SLC48A1: variants seen among roughly 807,000 people sequenced by gnomAD.
The protein encoded by SLC48A1 is heme transporter HRG1.
A neutral mutation model predicts 14.8 loss-of-function variants in SLC48A1; 6 were observed. The ratio of observed to expected loss-of-function variants is 0.41; its 90% CI spans 0.22 to 0.80. The LOEUF is 0.80. SLC48A1 is among the 30% of genes least tolerant of loss of function. SLC48A1 has a pLI of 0.34. For synonymous variants in SLC48A1, 89 were observed against 90.0 expected, an observed-to-expected ratio of 0.99 and a Z score of 0.06; for missense variants, 165 against 204.8, an observed-to-expected ratio of 0.81 and a Z score of 1.19.
In SLC48A1 at chr12:47,780,571, T is replaced by TC. The variant is rs1216962106; in HGVS notation, c.*290_*291insC. ...TTCTTTTCTTTCTTTTTTTTTTCTT[T>TC]TTTTTTTTTTTTTGAGATGGAGTCT... is the stretch of plus-strand genomic sequence containing the variant. On this transcript the variant is annotated 3_prime_UTR_variant, in exon 3 of 3. Transcript: ENST00000442218. 6.1e-6 allele frequency: 3 copies of TC among 494,512 alleles called. No individual in the cohort carries two copies. Among genetic ancestry groups the TC allele is most frequent in the East Asian group, 9.9e-5 (2 of 20,294 alleles). 30.6% of individuals were successfully genotyped at this position (494,512 alleles called of 1,614,324 possible).
chr12:47,769,459 C>G (rs186139598), upstream of SLC48A1: 3 of 152,226 alleles, frequency 2.0e-5, no homozygotes, highest in Admixed American at 2.0e-4. Context: ...TTCCCATTCT[C>G]AAGGTCTTTC....
upstream of SLC48A1, chr12:47,773,090 C>T: frequency 1.6e-6 from 1 of 628,406 alleles, no homozygotes; most frequent in Non-Finnish European, 2.0e-6. Context: ...AACGACACGG[C>T]AGCTTCGCAA....
At chr12:47,775,906 G>GT (rs1456472296) in intron 1 of SLC48A1, among the ~76,000 whole-genome samples, 1 of 152,222 alleles carries the variant, frequency 6.6e-6, no homozygotes, top group East Asian at 1.9e-4. Flanking sequence ...AGGCGGGCAG[G>GT]TGTGGGTTGG....
In SLC48A1 at chr12:47,780,070, C is replaced by A. The variant is rs559940169; in HGVS notation, c.305-75C>A. 3.6e-5 allele frequency: 53 copies of A among 1,452,834 alleles called. No homozygotes were observed. In the African/African-American group the frequency reaches 5.9e-4, roughly 16 times the overall value. The allele number at this position is 1,452,834 out of a possible 1,614,324, so 90.0% of individuals were successfully genotyped here. ...CAGGGATGTTGAGTGGGGAGGGTGG[C>A]CCTGGCCTTGTGGCCGGTGCAGAGG... On this transcript the variant is annotated intron_variant, in intron 2 of 2. Coordinates refer to ENST00000442218, the MANE Select transcript of SLC48A1 (RefSeq NM_017842.3).
chr12:47,758,163 T>G (rs1478829607), upstream of SLC48A1: 1 of 1,490,050 alleles, frequency 6.7e-7, no homozygotes, highest in Non-Finnish European at 8.9e-7. Flanking sequence ...GCAGAACTAC[T>G]TCCTTAGAGT....
In SLC48A1 at chr12:47,774,210, G is replaced by A. The variant is rs1942691939; in HGVS notation, c.136+770G>A. 3.9e-5 allele frequency among the ~76,000 whole-genome samples: 6 copies of A among 152,224 alleles called. No individual in the cohort carries two copies. In the South Asian group the frequency reaches 1.2e-3, roughly 32 times the overall value. On this transcript the variant is annotated intron_variant, in intron 1 of 2. Coordinates refer to ENST00000442218, the MANE Select transcript of SLC48A1 (RefSeq NM_017842.3). ...TGGGCTGACCAGTGCTCCTTGTTGTGCACATTTGGGCTCGCAGTTTAACCT... is the reference window on the plus strand; with the variant it reads ...TGGGCTGACCAGTGCTCCTTGTTGTACACATTTGGGCTCGCAGTTTAACCT...
At chr12:47,758,278 C>G, upstream of SLC48A1, 1 of 1,430,556 alleles carries the variant, frequency 7.0e-7, no homozygotes, top group African/African-American at 1.4e-5. Context: ...TTAGGGGTCT[C>G]CAGCTGGCTC....
At chr12:47,761,781 C>T (rs1461768845) in intron 2 of SLC48A1, among the ~76,000 whole-genome samples, 1 of 152,180 alleles carries the variant, frequency 6.6e-6, no homozygotes, top group Non-Finnish European at 1.5e-5. Flanking sequence ...AGTCAACATG[C>T]ACCAGGCCCT....
chr12:47,767,400 T>C (rs1004257552), upstream of SLC48A1, among the ~76,000 whole-genome samples: 30 of 152,114 alleles, frequency 2.0e-4, no homozygotes, highest in Non-Finnish European at 1.5e-4. Context: ...ATTTATTGAG[T>C]TCCTACCTAG....
chr12:47,780,786 C>T lies in SLC48A1; in HGVS notation c.*505C>T, dbSNP rs111547810. On this transcript the variant is annotated 3_prime_UTR_variant, in exon 3 of 3. Coordinates refer to ENST00000442218, the MANE Select transcript of SLC48A1 (RefSeq NM_017842.3). ...TTTGCCATGTTGGCCAGGCTGGTCT[C>T]GAACTCCTGATCTCAGGTGATTCAC... is the stretch of plus-strand genomic sequence containing the variant. 27 of 452,878 alleles carry T rather than the reference C, an allele frequency of 6.0e-5. No homozygotes were observed. Among genetic ancestry groups the T allele is most frequent in the African/African-American group, 5.2e-4 (26 of 50,482 alleles). 28.1% of individuals were successfully genotyped at this position (452,878 alleles called of 1,614,324 possible). A position where few individuals can be genotyped will look rare whatever the true frequency, so the allele number is the denominator to read the frequency against.
At chr12:47,755,358 A>C (rs1164661432), upstream of SLC48A1, among the ~76,000 whole-genome samples, 3 of 152,212 alleles carry the variant, frequency 2.0e-5, no homozygotes, top group Non-Finnish European at 2.9e-5. Context: ...AATGTCTGGC[A>C]CATAAGTACT....
chr12:47,775,392 C>T (rs886663929), intron 1 of SLC48A1, among the ~76,000 whole-genome samples: 2 of 150,938 alleles, frequency 1.3e-5, no homozygotes, highest in African/African-American at 4.9e-5. Flanking sequence ...GGCAGCAGCT[C>T]GCTAGGGCAG....
rs1249132412 is a variant in SLC48A1, at chr12:47,764,817, G to A, written c.-187+4416G>A. Among the ~76,000 whole-genome samples the A allele has an allele frequency of 7.9e-5, 12 of 152,200 alleles. No homozygotes were observed. In the South Asian group the frequency reaches 2.1e-3, roughly 26 times the overall value. On this transcript the variant is annotated intron_variant, in intron 2 of 4. Coordinates refer to the SLC48A1 transcript ENST00000547002. ...AATTAGACCAGGTGCGGTGGCTCAC[G>A]CCGGTAATCCCAGCACTTTGGGAGG...
chr12:47,759,602 G>C (rs1942308897), intron 1 of SLC48A1, among the ~76,000 whole-genome samples: 1 of 152,238 alleles, frequency 6.6e-6, no homozygotes, highest in Non-Finnish European at 1.5e-5. Flanking sequence ...TTGAGGCGGA[G>C]ACCGGGCATT....
chr12:47,781,280 G>A lies in SLC48A1; in HGVS notation c.*999G>A, dbSNP rs562292888. Reference sequence around the variant, plus strand: ...GGGCTTTGGGGAAGGGGGCAACATAGTAGAGGCTGGAAAGAGCCCCCAAAC... The same window carrying A: ...GGGCTTTGGGGAAGGGGGCAACATAATAGAGGCTGGAAAGAGCCCCCAAAC... On this transcript the variant is annotated 3_prime_UTR_variant, in exon 3 of 3. Coordinates refer to ENST00000442218, the MANE Select transcript of SLC48A1 (RefSeq NM_017842.3). The A allele has an allele frequency of 8.1e-5, 15 of 185,692 alleles. No homozygotes were observed. The highest frequency in any genetic ancestry group is 1.1e-4 in the Admixed American group (2 of 18,482). The allele number at this position is 185,692 out of a possible 1,614,324, so 11.5% of individuals were successfully genotyped here. A position where few individuals can be genotyped will look rare whatever the true frequency, so the allele number is the denominator to read the frequency against.
chr12:47,755,055 G>C (rs989690931), upstream of SLC48A1, among the ~76,000 whole-genome samples: 10 of 152,216 alleles, frequency 6.6e-5, no homozygotes, highest in African/African-American at 2.2e-4. Flanking sequence ...TGGTGGGACA[G>C]GGGAAGGGTG....
At chr12:47,779,006 C>T in intron 1 of SLC48A1, 22 bp from the exon 2 acceptor site, 1 of 1,549,840 alleles carries the variant, frequency 6.5e-7, no homozygotes, top group Non-Finnish European at 8.7e-7. Flanking sequence ...TGGGGATGGG[C>T]CCTGATGTGT....
At chr12:47,764,705 G>C (rs2136847989) in intron 2 of SLC48A1, among the ~76,000 whole-genome samples, 1 of 152,290 alleles carries the variant, frequency 6.6e-6, no homozygotes, top group Non-Finnish European at 1.5e-5. Flanking sequence ...GGAAGTACTG[G>C]GGTCAGAGAA....
chr12:47,780,497 C>T lies in SLC48A1; in HGVS notation c.*216C>T. On this transcript the variant is annotated 3_prime_UTR_variant, in exon 3 of 3. Coordinates refer to ENST00000442218, the MANE Select transcript of SLC48A1 (RefSeq NM_017842.3). ...GAGGGGATCCTGCCATGTTGCTCCT[C>T]ATCAGCCTGGCCAGAGGGCAGCTTT... is the stretch of plus-strand genomic sequence containing the variant. The T allele has an allele frequency of 1.3e-6, 1 of 790,216 alleles. No homozygotes were observed. Among genetic ancestry groups the T allele is most frequent in the South Asian group, 1.3e-5 (1 of 74,126 alleles). 49.0% of individuals were successfully genotyped at this position (790,216 alleles called of 1,614,324 possible).
Sources: allele counts gnomAD v4.1 joint callset (sites outside exome capture counted in the v4.1 genomes callset), GRCh38; gene constraint gnomAD v4.1.1; transcripts MANE v1.5; gene names NCBI Gene and HGNC (gene_info 2026-07-23, HGNC 2026-07-21).